The following LRRK1 variants were observed in gnomAD, a reference collection of about 807,000 sequenced individuals.
The protein encoded by LRRK1 is leucine rich repeat kinase 1.
LRRK1 carries 113 observed loss-of-function variants against 209.1 expected under a neutral mutation model. The ratio of observed to expected loss-of-function variants is 0.54; its 90% CI spans 0.46 to 0.63. The LOEUF (loss-of-function observed/expected upper bound fraction) is 0.63. Ranked by LOEUF, LRRK1 falls within the 30% of genes least tolerant of loss-of-function variation. The pLI, the probability that LRRK1 is intolerant of heterozygous loss-of-function variation, is 0.00. For synonymous variants in LRRK1, 1,144 were observed against 1,099.7 expected (o/e 1.04, Z -0.80); for missense variants, 2,284 against 2,632.2 (o/e 0.87, Z 2.89).
intron 31 of LRRK1, chr15:101,064,481 G>A (rs560253092): frequency 3.9e-4 from 60 of 152,922 alleles, no homozygotes; most frequent in African/African-American, 1.4e-3. Flanking sequence ...GAGGTGCCCC[G>A]GGGCGGTCTG....
intron 2 of LRRK1, among the ~76,000 whole-genome samples, chr15:100,962,823 A>ATATATTTTTTT: frequency 1.7e-4 from 2 of 11,548 alleles, no homozygotes; most frequent in African/African-American, 2.5e-4. Context: ...ATATATATAT[A>ATATATTTTTTT]TTTTTTTTTT....
intron 20 of LRRK1, among the ~76,000 whole-genome samples, chr15:101,037,771 A>G (rs573717150): frequency 4.3e-4 from 66 of 152,322 alleles, no homozygotes; most frequent in Non-Finnish European, 7.5e-4. Context: ...CCCGGACAGT[A>G]CACAGTCTGT....
chr15:101,010,715 A>C lies in LRRK1; in HGVS notation c.1159A>C (p.Ile387Leu), dbSNP rs1489266948. ...TTTACGGAAGCTACAGGAACTTGAT[A>C]TATCTGACAATAAATTGACAGAACT... ...IGLRKLQELD[I>L]SDNKLTELPA... Residue 387 changes from isoleucine to leucine, a missense_variant, in exon 9 of 34, where the codon ATA becomes CTA. Physicochemically the swap from Ile to Leu is conservative, Grantham distance 5. Transcript: ENST00000388948. 2.5e-6 allele frequency: 4 copies of C among 1,612,504 alleles called. No individual in the cohort carries two copies. The Admixed American group carries it at 6.7e-5, about 27-fold the overall frequency.
rs544888703 is a variant in LRRK1, at chr15:101,044,688, C to T, written c.2964-1293C>T. On this transcript the variant is annotated intron_variant, in intron 20 of 33. Transcript: ENST00000388948. ...CTGGGACGCCTGGGGACAGAGAATGCTCCCCCCACTCTCTAAGCACACTCC... is the reference window on the plus strand; with the variant it reads ...CTGGGACGCCTGGGGACAGAGAATGTTCCCCCCACTCTCTAAGCACACTCC... Among the ~76,000 whole-genome samples, 37 of 152,344 alleles carry T rather than the reference C, an allele frequency of 2.4e-4. 1 individual carries two copies. Among genetic ancestry groups the T allele is most frequent in the African/African-American group, 7.5e-4 (31 of 41,582 alleles).
At chr15:100,988,895 C>G in intron 5 of LRRK1, 82 bp downstream of exon 5, 1 of 1,189,604 alleles carries the variant, frequency 8.4e-7, no homozygotes, top group Non-Finnish European at 1.2e-6. Context: ...TCTTTATTCT[C>G]ACTCTTGGCT....
At chr15:100,955,731 A>T (rs959503251) in intron 2 of LRRK1, among the ~76,000 whole-genome samples, 5 of 151,934 alleles carry the variant, frequency 3.3e-5, no homozygotes, top group African/African-American at 9.7e-5. Flanking sequence ...TTTTTTCTGC[A>T]TTTATTGAGT....
At chr15:100,928,598 C>T (rs565189755) in intron 2 of LRRK1, among the ~76,000 whole-genome samples, 52 of 152,186 alleles carry the variant, frequency 3.4e-4, no homozygotes, top group Non-Finnish European at 7.3e-4. Flanking sequence ...TTGAAAACGA[C>T]GACGTTCTTA....
rs535449752 is a variant in LRRK1, at chr15:100,945,881, G to A, written c.97+21152G>A. 5.3e-5 allele frequency among the ~76,000 whole-genome samples: 8 copies of A among 152,190 alleles called. 1 individual carries two copies. In the South Asian group the frequency reaches 8.3e-4, roughly 16 times the overall value. Reference sequence around the variant, plus strand: ...GTTAGTGTCGGCACGGTATCTATTCGTTGTTAACCTATAATTAGATGCTCT... The same window carrying A: ...GTTAGTGTCGGCACGGTATCTATTCATTGTTAACCTATAATTAGATGCTCT... On this transcript the variant is annotated intron_variant, in intron 2 of 33. Transcript: ENST00000388948.
At chr15:100,999,390 T>C (rs1332149024) in intron 6 of LRRK1, among the ~76,000 whole-genome samples, 1 of 152,248 alleles carries the variant, frequency 6.6e-6, no homozygotes, top group Non-Finnish European at 1.5e-5. Context: ...TCAGTTTCCC[T>C]TTCTCTGATA....
chr15:100,933,821 CAAAAAAAA>C (rs67129854), intron 2 of LRRK1, among the ~76,000 whole-genome samples: 2 of 42,832 alleles, frequency 4.7e-5, no homozygotes, highest in African/African-American at 9.3e-5. Context: ...GACTCCATCT[CAAAAAAAA>C]AAAAAAAAAA....
intron 3 of LRRK1, among the ~76,000 whole-genome samples, chr15:100,981,660 T>C (rs1004311195): frequency 1.3e-5 from 2 of 152,206 alleles, no homozygotes; most frequent in African/African-American, 4.8e-5. Flanking sequence ...CTGCTGATGA[T>C]AAACTCCCTA....
rs774166128 is a variant in LRRK1 at position 101,062,699 on chromosome 15, G to A, written c.4914+9G>A. On this transcript the variant is annotated intron_variant, in intron 31 of 33. Transcript: ENST00000388948. ...TGCCTGTTATTAAAAAGGTGAGGTC[G>A]GGGCAAAGGCAGGTATGCAGGTCTC... The A allele has an allele frequency of 9.4e-6, 15 of 1,591,868 alleles. 1 individual carries two copies. The highest frequency in any genetic ancestry group is 4.5e-5 in the East Asian group (2 of 44,770).
chr15:100,971,317 GAGTGAAAC>G (rs1353361467), intron 2 of LRRK1, among the ~76,000 whole-genome samples: 1 of 136,400 alleles, frequency 7.3e-6, no homozygotes, highest in Non-Finnish European at 1.5e-5. Flanking sequence ...CTTGGAAGCA[GAGTGAAAC>G]TGTGTCTCAA....
intron 22 of LRRK1, chr15:101,049,398 A>C (rs2035270895): frequency 2.3e-6 from 1 of 432,012 alleles, no homozygotes; most frequent in African/African-American, 2.0e-5. Context: ...CCTGAGGGTC[A>C]GCTCCCAGGC....
At chr15:101,058,263 C>G (rs1314923674) in intron 29 of LRRK1, 122 bp downstream of exon 29, 1 of 917,354 alleles carries the variant, frequency 1.1e-6, no homozygotes, top group African/African-American at 1.7e-5. Flanking sequence ...GGGTCCAGAA[C>G]CTGGTTAGAC....
intron 27 of LRRK1, among the ~76,000 whole-genome samples, 175 bp from the exon 28 acceptor site, chr15:101,056,681 G>A (rs1013326027): frequency 1.3e-5 from 2 of 152,210 alleles, no homozygotes; most frequent in Admixed American, 6.5e-5. Context: ...ATGGATAGAA[G>A]AGAAAGTGGT....
At chr15:101,016,802 A>G (rs1171797649) in intron 12 of LRRK1, among the ~76,000 whole-genome samples, 1 of 152,200 alleles carries the variant, frequency 6.6e-6, no homozygotes, top group Non-Finnish European at 1.5e-5. Flanking sequence ...TGCAAAGCCC[A>G]CATGGATCAC....
chr15:100,949,025 A>G (rs2042595460), intron 2 of LRRK1, among the ~76,000 whole-genome samples: 1 of 152,144 alleles, frequency 6.6e-6, no homozygotes, highest in Non-Finnish European at 1.5e-5. Flanking sequence ...CAAAAATTAG[A>G]GCAGAAAAAA....
At position 101,022,613 on chromosome 15, in the gene LRRK1, C is replaced by T. The variant is rs751254145; in HGVS notation, c.2067+16C>T. 5.1e-6 allele frequency: 8 copies of T among 1,553,746 alleles called. No individual in the cohort carries two copies. Among genetic ancestry groups the T allele is most frequent in the Admixed American group, 1.8e-5 (1 of 56,786 alleles). On this transcript the variant is annotated intron_variant, in intron 15 of 33. Transcript: ENST00000388948. This position sits in a 1 kb window ranked among gnomAD's most constrained non-coding sequence, Gnocchi z 4.0. ...GAGAGCCAAGGTCAAGGATGGTCTG[C>T]GTGCAGAGTCCCTGTGGGTGGGAGG...
Sources: gnomAD v4.1 joint callset for allele counts (sites outside exome capture counted in the v4.1 genomes callset) on GRCh38, gnomAD v4.1.1 for gene constraint, Gnocchi (gnomAD v3.1) non-coding constraint, MANE v1.5 for transcripts, NCBI Gene and HGNC (gene_info 2026-07-23, HGNC 2026-07-21) for gene names.